Variants in CHM observed in about 807,000 individuals in gnomAD.
CHM encodes CHM Rab escort protein.
CHM carries 10 observed loss-of-function variants against 49.0 expected under a neutral mutation model. The observed-to-expected ratio is 0.20, with a 90% CI of 0.13 to 0.35. The LOEUF is 0.35. Ranked by LOEUF, CHM falls within the 10% of genes least tolerant of loss-of-function variation. CHM has a pLI of 1.00. For missense variants in CHM, 455 were observed against 478.4 expected, an observed-to-expected ratio of 0.95 and a Z score of 0.46; for synonymous variants, 184 against 167.5, an observed-to-expected ratio of 1.10 and a Z score of -0.76.
At chrX:86,002,177 A>G (rs1193386531) in intron 2 of CHM, among the ~76,000 whole-genome samples, 1 of 111,944 alleles carries the variant, frequency 8.9e-6, no homozygotes, top group Non-Finnish European at 1.9e-5. Flanking sequence ...TCCACTCTCT[A>G]TCTCCTCTCT....
intron 1 of CHM, 62 bp downstream of exon 1, chrX:86,047,422 G>C: frequency 9.2e-7 from 1 of 1,092,371 alleles, no homozygotes; most frequent in Non-Finnish European, 1.3e-6. Context: ...GCCACTGACA[G>C]AAAAAACAGA....
intron 4 of CHM, chrX:85,970,273 T>C (rs184959508): frequency 6.7e-6 from 5 of 751,570 alleles, no homozygotes; most frequent in East Asian, 1.5e-4. Context: ...CTAAAGAATA[T>C]TGGATTCTTC....
intron 8 of CHM, among the ~76,000 whole-genome samples, chrX:85,913,697 A>G (rs1195925205): frequency 9.0e-6 from 1 of 111,317 alleles, no homozygotes. Flanking sequence ...CACCAATAGG[A>G]AAGTAATAAA....
intron 4 of CHM, chrX:85,969,908 C>G (rs1050583544): frequency 3.6e-5 from 4 of 111,566 alleles, no homozygotes; most frequent in African/African-American, 1.3e-4. Flanking sequence ...ATCTAAAAAA[C>G]TTGATAGTGG....
At chrX:85,945,488 A>G (rs1450811158) in intron 8 of CHM, among the ~76,000 whole-genome samples, 1 of 103,150 alleles carries the variant, frequency 9.7e-6, no homozygotes, top group African/African-American at 3.6e-5. Flanking sequence ...CTCCACCTTC[A>G]GCTTCTGTCA....
At chrX:86,017,768 G>GA (rs1450592956) in intron 2 of CHM, among the ~76,000 whole-genome samples, 1 of 111,194 alleles carries the variant, frequency 9.0e-6, no homozygotes, top group Non-Finnish European at 1.9e-5. Flanking sequence ...CTAGAAAAAA[G>GA]AAAAAATCTA....
chrX:85,937,242 G>A (rs1397080657), intron 8 of CHM, among the ~76,000 whole-genome samples: 2 of 102,040 alleles, frequency 2.0e-5, no homozygotes, highest in Admixed American at 1.1e-4. Flanking sequence ...CTCCAGCCTG[G>A]TGACAGAGTG....
At chrX:85,878,428 C>T (rs947948044) in intron 13 of CHM, among the ~76,000 whole-genome samples, 2 of 107,746 alleles carry the variant, frequency 1.9e-5, no homozygotes, top group Non-Finnish European at 3.8e-5. Flanking sequence ...TGCAGTGAGC[C>T]GAGATCACGC....
intron 8 of CHM, among the ~76,000 whole-genome samples, chrX:85,923,739 GATA>G (rs1375120108): frequency 9.0e-6 from 1 of 111,021 alleles, no homozygotes; most frequent in Non-Finnish European, 1.9e-5. Context: ...GTGTTCTGAA[GATA>G]ATAAAACAGG....
chrX:85,896,139 C>CAA (rs148920305), intron 11 of CHM, among the ~76,000 whole-genome samples: 10 of 46,296 alleles, frequency 2.2e-4, no homozygotes, highest in Non-Finnish European at 2.9e-4. Context: ...CTGCACAACT[C>CAA]AAAAAAAAAA....
chrX:85,909,688 G>A (rs1026218336), intron 9 of CHM, among the ~76,000 whole-genome samples: 2 of 111,792 alleles, frequency 1.8e-5, no homozygotes, highest in Non-Finnish European at 3.8e-5. Flanking sequence ...TAAGGAAAAG[G>A]TAGCCTTTAG....
rs7066328 is a variant in CHM at position 85,928,922 on chromosome X, T to C, written c.1167-17584A>G. ...TCCTGAATTTAATGCTTCATTTTAT[T>C]ATGTTTTTTAAAGTTCCCCAGCCCT... is the stretch of plus-strand genomic sequence containing the variant. On this transcript the variant is annotated intron_variant, in intron 8 of 14. Transcript: ENST00000357749. 9.7e-3 allele frequency among the ~76,000 whole-genome samples: 1,088 copies of C among 112,067 alleles called. 12 individuals carry two copies. The highest frequency in any genetic ancestry group is 0.033 in the African/African-American group (1,010 of 30,849).
chrX:85,936,482 T>A (rs997088760), intron 8 of CHM, among the ~76,000 whole-genome samples: 2 of 111,883 alleles, frequency 1.8e-5, no homozygotes, highest in Admixed American at 9.5e-5. Flanking sequence ...TTTGGGAATT[T>A]AAATGACATG....
In CHM at chrX:85,873,064, A is replaced by G. The variant is rs757386474; in HGVS notation, c.1758T>C (p.Asn586=). The change falls in exon 14 of 15, where the codon AAT becomes AAC. Residue 586 remains asparagine, a synonymous_variant. Transcript: ENST00000357749. ...TCAAGAGCCTTACCTGTTTGACTGCATTATCATTTCCTAAACCACAATCTG... is the reference window on the plus strand; with the variant it reads ...TCAAGAGCCTTACCTGTTTGACTGCGTTATCATTTCCTAAACCACAATCTG... ...SGPDCGLGND[N]AVKQAETLFQ... 60 of 1,207,119 alleles carry G rather than the reference A, an allele frequency of 5.0e-5. 2 individuals are homozygous for G. The highest frequency in any genetic ancestry group is 2.3e-4 in the Middle Eastern group (1 of 4,366).
intron 8 of CHM, among the ~76,000 whole-genome samples, chrX:85,937,262 C>CAAA (rs1160612271): frequency 2.3e-5 from 1 of 42,687 alleles, no homozygotes; most frequent in African/African-American, 8.0e-5. Flanking sequence ...GAGACTCCGT[C>CAAA]AAAAAAAAAA....
intron 3 of CHM, 40 bp downstream of exon 3, chrX:85,981,697 A>G: frequency 9.9e-7 from 1 of 1,011,345 alleles, no homozygotes; most frequent in Non-Finnish European, 1.4e-6. Flanking sequence ...GTAACATACA[A>G]TAAAACAAAG....
intron 8 of CHM, among the ~76,000 whole-genome samples, chrX:85,954,361 T>C (rs1219099748): frequency 3.6e-5 from 4 of 111,349 alleles, no homozygotes; most frequent in African/African-American, 1.3e-4. Context: ...TGGAGAACAG[T>C]TTGGAAGTTC....
chrX:86,036,506 A>AT (rs1934251222), intron 1 of CHM, among the ~76,000 whole-genome samples: 1 of 110,711 alleles, frequency 9.0e-6, no homozygotes, highest in South Asian at 4.0e-4. Flanking sequence ...AATGTTTCCT[A>AT]TTGGACCTAA....
chrX:85,925,996 G>A (rs181342505), intron 8 of CHM, among the ~76,000 whole-genome samples: 106 of 110,912 alleles, frequency 9.6e-4, no homozygotes, highest in Non-Finnish European at 1.8e-3. Flanking sequence ...GAAATAGTCC[G>A]TTAGCAAATA....
Sources: gnomAD v4.1 joint callset for allele counts (sites outside exome capture counted in the v4.1 genomes callset) on GRCh38, gnomAD v4.1.1 for gene constraint, MANE v1.5 for transcripts, NCBI Gene and HGNC (gene_info 2026-07-23, HGNC 2026-07-21) for gene names.